FBN2: variants seen among roughly 807,000 people sequenced by gnomAD.
The protein encoded by FBN2 is fibrillin 2, also known as fibrillin-2.
A neutral mutation model predicts 355.6 loss-of-function variants in FBN2; 105 were observed. The observed-to-expected ratio is 0.30, with a 90% CI of 0.25 to 0.35. FBN2 has a LOEUF of 0.35. Ranked by LOEUF, FBN2 falls within the 10% of genes least tolerant of loss-of-function variation. The pLI, the probability that FBN2 is intolerant of heterozygous loss-of-function variation, is 1.00. For missense variants in FBN2, 3,280 were observed against 3,758.7 expected (o/e 0.87, Z 3.33); for synonymous variants, 1,350 against 1,301.2 (o/e 1.04, Z -0.81).
At position 128,393,139 on chromosome 5, in the gene FBN2, T is replaced by G; in HGVS notation, c.1461A>C (p.Gly487=). The G allele has an allele frequency of 6.2e-7, 1 of 1,610,900 alleles. No individual in the cohort carries two copies. Among genetic ancestry groups the G allele is most frequent in the South Asian group, 1.1e-5 (1 of 91,024 alleles). The change falls in exon 10 of 65, where the codon GGA becomes GGC. Residue 487 remains glycine, a synonymous_variant. Transcript: ENST00000262464. ...GAGGQGPIIT[G]LTILNQTIDI... is the part of the protein sequence containing the mutation. ...ACAGGAAAACTGACCACTTACTTAG[T>G]CCAGTGATGATAGGTCCCTGTCCCC...
intron 7 of FBN2, among the ~76,000 whole-genome samples, chr5:128,439,016 A>G (rs193035884): frequency 6.6e-6 from 1 of 152,252 alleles, no homozygotes; most frequent in Admixed American, 6.5e-5. Flanking sequence ...AATGTTTACA[A>G]ATTGCCTTTG....
chr5:128,428,590 T>C (rs1753540563), intron 7 of FBN2, among the ~76,000 whole-genome samples: 2 of 152,198 alleles, frequency 1.3e-5, no homozygotes, highest in African/African-American at 4.8e-5. Context: ...GTCAGTGACT[T>C]TCCCTGGTTG....
intron 48 of FBN2, among the ~76,000 whole-genome samples, chr5:128,300,001 T>C (rs1260873032): frequency 6.6e-6 from 1 of 152,248 alleles, no homozygotes; most frequent in African/African-American, 2.4e-5. Flanking sequence ...TTATGTGGTC[T>C]GAAGAATAAT....
chr5:128,273,857 G>C lies in FBN2; in HGVS notation c.7823C>G (p.Thr2608Ser), dbSNP rs1251017947. The change falls in exon 61 of 65, where the codon ACC becomes AGC. Residue 2608 changes from threonine (T) to serine (S), a missense_variant. By Grantham distance (58) the Thr-to-Ser change is moderately conservative. Transcript: ENST00000262464. ...CAACTAACCTTCACAGTTCAGTCCGGTGGCATCAAGAGAGAACCCTCTTTG... is the reference window on the plus strand; with the variant it reads ...CAACTAACCTTCACAGTTCAGTCCGCTGGCATCAAGAGAGAACCCTCTTTG... ...ECQRGFSLDA[T>S]GLNCEDVDEC... 1 of 1,613,876 alleles carries C rather than the reference G, an allele frequency of 6.2e-7. No homozygotes were observed. Among genetic ancestry groups the C allele is most frequent in the East Asian group, 2.2e-5 (1 of 44,860 alleles).
rs1418534119 is a variant in FBN2 at position 128,446,570 on chromosome 5, T to C, written c.863A>G (p.Gln288Arg). Reference sequence around the variant, plus strand: ...CACTGTATTGATACAGTTTCCTCCTTGGCATATCCCTGGGATAGCCTGGCA... The same window carrying C: ...CACTGTATTGATACAGTTTCCTCCTCGGCATATCCCTGGGATAGCCTGGCA... ...DECQAIPGICQGGNCINTVGS... is the reference protein window; with the variant it reads ...DECQAIPGICRGGNCINTVGS... The change falls in exon 7 of 65, where the codon CAA (glutamine) becomes CGA (arginine). Residue 288 changes from glutamine (Q) to arginine (R), a missense_variant. This residue lies in a region of FBN2 where 343 missense variants were observed against 331.0 expected (regional missense o/e 1.04). Transcript: ENST00000262464. The C allele has an allele frequency of 6.2e-7, 1 of 1,613,878 alleles. No individual in the cohort carries two copies. Among genetic ancestry groups the C allele is most frequent in the African/African-American group, 1.3e-5 (1 of 75,040 alleles).
chr5:128,484,290 G>T (rs1167881004), intron 5 of FBN2, among the ~76,000 whole-genome samples: 1 of 152,188 alleles, frequency 6.6e-6, no homozygotes, highest in Non-Finnish European at 1.5e-5. Flanking sequence ...CATAATAGAA[G>T]AGATTAGTAA....
intron 3 of FBN2, among the ~76,000 whole-genome samples, chr5:128,530,237 GT>G (rs2112801041): frequency 6.6e-6 from 1 of 152,272 alleles, no homozygotes; most frequent in East Asian, 1.9e-4. Flanking sequence ...TGTAAAGTAT[GT>G]GGTCAGTACT....
intron 7 of FBN2, among the ~76,000 whole-genome samples, chr5:128,438,705 G>C (rs911616374): frequency 6.6e-6 from 1 of 152,154 alleles, no homozygotes. Flanking sequence ...GGGGAGACAA[G>C]AGTTCTGGAC....
At chr5:128,318,746 A>G (rs1221447780) in intron 35 of FBN2, 133 bp downstream of exon 35, 1 of 775,086 alleles carries the variant, frequency 1.3e-6, no homozygotes, top group Non-Finnish European at 2.1e-6. Context: ...ATCTGAATAT[A>G]ATTTTCTTTT....
chr5:128,530,265 C>T (rs935030223), intron 3 of FBN2, among the ~76,000 whole-genome samples: 1 of 152,130 alleles, frequency 6.6e-6, no homozygotes, highest in Non-Finnish European at 1.5e-5. Context: ...ACACATGCTG[C>T]CTTTGGAGTT....
intron 8 of FBN2, among the ~76,000 whole-genome samples, chr5:128,399,437 A>C (rs2126987182): frequency 6.6e-6 from 1 of 152,360 alleles, no homozygotes; most frequent in East Asian, 1.9e-4. Context: ...AGGGCAAATT[A>C]AGGTAATTTT....
chr5:128,335,407 G>GA (rs1418342942), intron 29 of FBN2, 48 bp downstream of exon 29: 5 of 1,613,590 alleles, frequency 3.1e-6, no homozygotes, highest in Non-Finnish European at 4.2e-6. Context: ...ATATTTTCAA[G>GA]AAAAAATTAG....
At chr5:128,360,505 G>A (rs1183977596) in intron 19 of FBN2, among the ~76,000 whole-genome samples, 1 of 152,044 alleles carries the variant, frequency 6.6e-6, no homozygotes, top group Non-Finnish European at 1.5e-5. Flanking sequence ...TTGGACAATA[G>A]GGGAAACTGT....
At chr5:128,426,471 T>A (rs891363512) in intron 7 of FBN2, among the ~76,000 whole-genome samples, 1 of 152,172 alleles carries the variant, frequency 6.6e-6, no homozygotes, top group Non-Finnish European at 1.5e-5. Flanking sequence ...AAATGGGTAT[T>A]TGAAACTGCT....
chr5:128,287,127 A>G (rs998870492), intron 54 of FBN2, among the ~76,000 whole-genome samples, 181 bp downstream of exon 54: 19 of 152,222 alleles, frequency 1.2e-4, no homozygotes, highest in Admixed American at 1.2e-3. Flanking sequence ...CTCGGACTTG[A>G]TTTTACAAAA....
chr5:128,273,976 A>C lies in FBN2; in HGVS notation c.7712-8T>G. 6.2e-7 allele frequency: 1 copy of C among 1,613,936 alleles called. No homozygotes were observed. The highest frequency in any genetic ancestry group is 8.5e-7 in the Non-Finnish European group (1 of 1,179,862). On this transcript the variant is annotated splice_region_variant and splice_polypyrimidine_tract_variant and intron_variant, in intron 60 of 64. Coordinates refer to ENST00000262464, the MANE Select transcript of FBN2 (RefSeq NM_001999.4). ...ACCCACATTCGTTGTTGTCTGGCAA[A>C]GCATCAAGAAGCAGAGCGTCAAACT...
rs913201162 is a variant in FBN2 at position 128,446,576 on chromosome 5, A to G, written c.857T>C (p.Ile286Thr). 6 of 1,613,744 alleles carry G rather than the reference A, an allele frequency of 3.7e-6. No individual in the cohort carries two copies. In the Admixed American group the frequency reaches 6.7e-5, roughly 18 times the overall value. Residue 286 changes from isoleucine (I) to threonine (T), a missense_variant, in exon 7 of 65, where the codon ATA becomes ACA. Physicochemically the swap from Ile to Thr is moderately conservative, Grantham distance 89. Transcript: ENST00000262464. Reference protein sequence around the residue: ...DVDECQAIPGICQGGNCINTV... With the variant: ...DVDECQAIPGTCQGGNCINTV... ...ATTGATACAGTTTCCTCCTTGGCAT[A>G]TCCCTGGGATAGCCTGGCATTCATC... is the stretch of plus-strand genomic sequence containing the variant.
At chr5:128,311,203 C>A in intron 39 of FBN2, 97 bp downstream of exon 39, 1 of 1,315,864 alleles carries the variant, frequency 7.6e-7, no homozygotes, top group Non-Finnish European at 1.1e-6. Context: ...CTTAATTGAG[C>A]CTTTTGTAGA....
chr5:128,319,022 T>TA, intron 34 of FBN2, 21 bp from the exon 35 acceptor site: 1 of 1,567,708 alleles, frequency 6.4e-7, no homozygotes, highest in East Asian at 2.2e-5. Context: ...TAAAAAAAAG[T>TA]AATCTCTTAT....
Sources: gnomAD v4.1 joint callset for allele counts (sites outside exome capture counted in the v4.1 genomes callset) on GRCh38, gnomAD v4.1.1 for gene constraint, gnomAD v4.1.1 regional missense constraint, MANE v1.5 for transcripts, NCBI Gene and HGNC (gene_info 2026-07-23, HGNC 2026-07-21) for gene names.